Variants in PRKN observed in about 807,000 individuals in gnomAD.
The protein encoded by PRKN is parkin RBR E3 ubiquitin protein ligase, also known as E3 ubiquitin-protein ligase parkin.
Under a neutral mutation model 59.5 loss-of-function variants are expected in PRKN, and 56 were observed. The observed-to-expected ratio is 0.94, with a 90% CI of 0.76 to 1.18. PRKN has a LOEUF of 1.18. Among genes scored for constraint, PRKN ranks in the 50% most tolerant of loss-of-function variants. The pLI is 0.00. For missense variants in PRKN, 657 were observed against 596.4 expected, an observed-to-expected ratio of 1.10 and a Z score of -1.06; for synonymous variants, 250 against 222.1, an observed-to-expected ratio of 1.13 and a Z score of -1.12.
chr6:161,662,239 C>A (rs374207973), intron 7 of PRKN, among the ~76,000 whole-genome samples: 1 of 152,160 alleles, frequency 6.6e-6, no homozygotes, highest in South Asian at 2.1e-4. Flanking sequence ...TGCTATTTTG[C>A]GATGAGATTT....
rs141688302 is a variant in PRKN, at chr6:161,417,050, G to A, written c.1084-30173C>T. ...AGGAGTAGGAGGTGTGGCTATGCTA[G>A]CTCATGCTCACCCCTCATTCAAGCT... On this transcript the variant is annotated intron_variant, in intron 9 of 11. Transcript: ENST00000366898. The surrounding 1 kb of genome is among the most constrained non-coding windows in gnomAD (Gnocchi z 5.4). Among the ~76,000 whole-genome samples the A allele has an allele frequency of 2.0e-3, 311 of 152,324 alleles. 3 individuals are homozygous for A. The highest frequency in any genetic ancestry group is 7.2e-3 in the African/African-American group (301 of 41,554).
At chr6:162,499,105 A>C (rs1203028349) in intron 1 of PRKN, among the ~76,000 whole-genome samples, 2 of 152,000 alleles carry the variant, frequency 1.3e-5, no homozygotes, top group African/African-American at 4.8e-5. Context: ...GGGATACGTA[A>C]GTTCTTTCCT....
chr6:162,122,230 T>C (rs1419119524), intron 4 of PRKN, among the ~76,000 whole-genome samples: 1 of 152,156 alleles, frequency 6.6e-6, no homozygotes. Flanking sequence ...AGAGCTATGC[T>C]TGGGCAGCAT....
intron 7 of PRKN, among the ~76,000 whole-genome samples, chr6:161,647,362 C>G (rs906336688): frequency 6.6e-6 from 1 of 152,210 alleles, no homozygotes; most frequent in African/African-American, 2.4e-5. Context: ...TGGCTCTCTG[C>G]CCCTGCTCAC....
chr6:162,129,588 A>T (rs922567111), intron 4 of PRKN, among the ~76,000 whole-genome samples: 5 of 152,194 alleles, frequency 3.3e-5, no homozygotes, highest in African/African-American at 1.2e-4. Flanking sequence ...TCAATGTACC[A>T]AACAGAGTGT....
At chr6:161,620,681 A>C (rs941537000) in intron 7 of PRKN, among the ~76,000 whole-genome samples, 2 of 152,194 alleles carry the variant, frequency 1.3e-5, no homozygotes, top group Admixed American at 1.3e-4. Flanking sequence ...TCTAGAGTTT[A>C]CATAGATTAT....
intron 1 of PRKN, among the ~76,000 whole-genome samples, chr6:162,661,195 A>C (rs571064149): frequency 6.6e-6 from 1 of 152,192 alleles, no homozygotes; most frequent in South Asian, 2.1e-4. Context: ...CAGGAGGCAA[A>C]GGTTGCAGTG....
intron 6 of PRKN, among the ~76,000 whole-genome samples, chr6:161,805,705 G>A (rs1413382793): frequency 6.6e-6 from 1 of 152,174 alleles, no homozygotes; most frequent in East Asian, 1.9e-4. Flanking sequence ...CTGTTTTCTA[G>A]AACACAGGAG....
At chr6:161,431,592 T>G (rs1222872855) in intron 9 of PRKN, among the ~76,000 whole-genome samples, 3 of 151,926 alleles carry the variant, frequency 2.0e-5, no homozygotes, top group African/African-American at 7.2e-5. Context: ...CTTTTCTTTC[T>G]TTCTTTCTTT....
chr6:161,676,125 C>A (rs1418950731), intron 7 of PRKN, among the ~76,000 whole-genome samples: 1 of 152,266 alleles, frequency 6.6e-6, no homozygotes, highest in Admixed American at 6.5e-5. Context: ...TCCAAGCCTG[C>A]AGCCCCTGGC....
At chr6:161,437,710 G>A (rs1788993049) in intron 9 of PRKN, among the ~76,000 whole-genome samples, 2 of 152,140 alleles carry the variant, frequency 1.3e-5, no homozygotes, top group Admixed American at 6.5e-5. Context: ...ATATTAATGT[G>A]TTCCTGAAAG....
intron 7 of PRKN, among the ~76,000 whole-genome samples, chr6:161,782,847 T>G: frequency 6.6e-6 from 1 of 152,010 alleles, no homozygotes; most frequent in East Asian, 1.9e-4. Context: ...TGAGCCGAGA[T>G]CATGCCACTG....
intron 1 of PRKN, among the ~76,000 whole-genome samples, chr6:162,536,368 T>C (rs367597218): frequency 1.3e-5 from 2 of 152,314 alleles, no homozygotes; most frequent in East Asian, 3.9e-4. Context: ...GGAAGTATTC[T>C]GCACAGACCA....
intron 7 of PRKN, among the ~76,000 whole-genome samples, chr6:161,706,493 T>G (rs1309034458): frequency 6.6e-6 from 1 of 152,188 alleles, no homozygotes; most frequent in African/African-American, 2.4e-5. Context: ...GGTGCCTTAC[T>G]CATCTGTTCT....
chr6:161,846,507 C>T (rs545945340), intron 6 of PRKN, among the ~76,000 whole-genome samples: 1 of 152,284 alleles, frequency 6.6e-6, no homozygotes, highest in Non-Finnish European at 1.5e-5. Context: ...TTACCCGTTG[C>T]TGTTGGGAGC....
At chr6:162,501,901 C>T (rs1173818403) in intron 1 of PRKN, among the ~76,000 whole-genome samples, 2 of 146,822 alleles carry the variant, frequency 1.4e-5, no homozygotes, top group Admixed American at 1.4e-4. Flanking sequence ...TCTTCAGGCT[C>T]CACTTGTCTG....
chr6:161,349,995 C>A lies in PRKN; in HGVS notation c.*104G>T. 1.3e-6 allele frequency: 1 copy of A among 794,646 alleles called. No homozygotes were observed. The highest frequency in any genetic ancestry group is 2.1e-6 in the Non-Finnish European group (1 of 466,384). The allele number at this position is 794,646 out of a possible 1,614,324, so 49.2% of individuals were successfully genotyped here. On this transcript the variant is annotated 3_prime_UTR_variant, in exon 12 of 12. Transcript: ENST00000366898. The surrounding 1 kb of genome is among the most constrained non-coding windows in gnomAD (Gnocchi z 5.5). Reference sequence around the variant, plus strand: ...AAAAAACTTGAAGAGTGTGTGTGCGCGCGCGCGCGTGTGTGTGTGTGTTTG... The same window carrying A: ...AAAAAACTTGAAGAGTGTGTGTGCGAGCGCGCGCGTGTGTGTGTGTGTTTG...
chr6:162,370,857 T>C (rs1785727296), intron 2 of PRKN, among the ~76,000 whole-genome samples: 1 of 152,150 alleles, frequency 6.6e-6, no homozygotes, highest in Non-Finnish European at 1.5e-5. Context: ...AAAAAGAGTT[T>C]AGTGAGTGAT....
chr6:161,548,718 A>C lies in PRKN; in HGVS notation c.1083+136T>G. ...AGTCCTATAAAGGAATTTAAAATCT[A>C]TTTTCTTATATGTAAGTTCAAAGAT... On this transcript the variant is annotated intron_variant, in intron 9 of 11. Transcript: ENST00000366898. This position sits in a 1 kb window ranked among gnomAD's most constrained non-coding sequence, Gnocchi z 4.2. The C allele has an allele frequency of 1.2e-6, 1 of 814,728 alleles. No individual in the cohort carries two copies. Among genetic ancestry groups the C allele is most frequent in the Non-Finnish European group, 2.0e-6 (1 of 499,510 alleles). The allele number at this position is 814,728 out of a possible 1,614,324, so 50.5% of individuals were successfully genotyped here. A position where few individuals can be genotyped will look rare whatever the true frequency, so the allele number is the denominator to read the frequency against.
Sources: gnomAD v4.1 joint callset for allele counts (sites outside exome capture counted in the v4.1 genomes callset) on GRCh38, gnomAD v4.1.1 for gene constraint, Gnocchi (gnomAD v3.1) non-coding constraint, MANE v1.5 for transcripts, NCBI Gene and HGNC (gene_info 2026-07-23, HGNC 2026-07-21) for gene names.